Variants in COP1 observed in about 807,000 individuals in gnomAD.
COP1 encodes E3 ubiquitin-protein ligase COP1.
In COP1, 24 loss-of-function variants were observed where a neutral mutation model predicts 101.3. The ratio of observed to expected loss-of-function variants is 0.24; its 90% CI spans 0.17 to 0.33. COP1 has a LOEUF of 0.33. Among genes scored for constraint, COP1 ranks in the 10% least tolerant of loss-of-function variants. The pLI is 1.00. For synonymous variants in COP1, 347 were observed against 341.9 expected (o/e 1.01, Z -0.17); for missense variants, 663 against 906.2 (o/e 0.73, Z 3.45).
At chr1:176,145,129 C>G (rs1691370024) in intron 6 of COP1, among the ~76,000 whole-genome samples, 1 of 151,930 alleles carries the variant, frequency 6.6e-6, no homozygotes, top group Non-Finnish European at 1.5e-5. Flanking sequence ...AGATGTATAT[C>G]TAGAATATAT....
At chr1:176,145,458 A>G (rs1451814058) in intron 6 of COP1, among the ~76,000 whole-genome samples, 1 of 152,214 alleles carries the variant, frequency 6.6e-6, no homozygotes, top group Non-Finnish European at 1.5e-5. Context: ...ATTATCTATT[A>G]AATTTGAAGA....
chr1:176,137,204 C>T (rs911001469), intron 6 of COP1, among the ~76,000 whole-genome samples: 2 of 152,170 alleles, frequency 1.3e-5, no homozygotes, highest in African/African-American at 4.8e-5. Context: ...TATTAAACCA[C>T]TAATAATTTT....
intron 18 of COP1, among the ~76,000 whole-genome samples, chr1:175,976,014 T>C (rs566043637): frequency 6.6e-6 from 1 of 152,174 alleles, no homozygotes; most frequent in Non-Finnish European, 1.5e-5. Flanking sequence ...AAAGGGAAAA[T>C]CAGTTGTCAG....
intron 5 of COP1, among the ~76,000 whole-genome samples, chr1:176,157,250 T>C (rs1693614076): frequency 2.6e-5 from 4 of 152,094 alleles, no homozygotes; most frequent in Admixed American, 2.6e-4. Flanking sequence ...CATAATCATA[T>C]TTATAAAGAA....
chr1:176,199,946 C>CA (rs1700101715), intron 1 of COP1, among the ~76,000 whole-genome samples: 3 of 152,264 alleles, frequency 2.0e-5, no homozygotes, highest in East Asian at 1.9e-4. Context: ...TAATTTTAAA[C>CA]AAAATCAGCC....
intron 18 of COP1, among the ~76,000 whole-genome samples, chr1:175,980,530 GC>G (rs1655590239): frequency 6.6e-6 from 1 of 152,140 alleles, no homozygotes; most frequent in Non-Finnish European, 1.5e-5. Flanking sequence ...AGGTTCCCAA[GC>G]CAAGTTTTGC....
chr1:175,995,838 T>C (rs1252026767), intron 15 of COP1, among the ~76,000 whole-genome samples: 2 of 152,200 alleles, frequency 1.3e-5, no homozygotes, highest in East Asian at 3.8e-4. Context: ...ACTGGTATCA[T>C]TCCTTCTGAA....
chr1:176,005,796 G>T (rs895956699), intron 15 of COP1, among the ~76,000 whole-genome samples: 4 of 151,952 alleles, frequency 2.6e-5, no homozygotes, highest in African/African-American at 7.3e-5. Context: ...GAATAGGTGT[G>T]GTGTGGTGCT....
At chr1:176,183,525 C>G (rs1558277130) in intron 2 of COP1, among the ~76,000 whole-genome samples, 1 of 152,034 alleles carries the variant, frequency 6.6e-6, no homozygotes, top group Non-Finnish European at 1.5e-5. Context: ...TAGTGCAGCC[C>G]CTATAGAAAA....
chr1:176,082,892 T>C (rs1679447132), intron 10 of COP1, among the ~76,000 whole-genome samples: 1 of 152,106 alleles, frequency 6.6e-6, no homozygotes, highest in East Asian at 1.9e-4. Context: ...CCTGATATTT[T>C]ACAAATTTTA....
At position 176,114,259 on chromosome 1, in the gene COP1, A is replaced by T. The variant is rs183160346; in HGVS notation, c.1026+2365T>A. On this transcript the variant is annotated intron_variant, in intron 9 of 19. Transcript: ENST00000367669. ...AAGACTTGAATCTGGTATTTTCATG[A>T]CCGTTCAGAAACAGATACAAACCAA... Among the ~76,000 whole-genome samples, 13 of 152,194 alleles carry T rather than the reference A, an allele frequency of 8.5e-5. No individual in the cohort carries two copies. The East Asian group carries it at 2.5e-3, about 29-fold the overall frequency.
chr1:176,081,315 A>G (rs963587084), intron 10 of COP1, 28 bp from the exon 11 acceptor site: 2 of 1,548,022 alleles, frequency 1.3e-6, no homozygotes, highest in Non-Finnish European at 1.7e-6. Context: ...AAAAAAGACA[A>G]AACAGATGAA....
chr1:176,023,388 A>G (rs1321345997), intron 15 of COP1, among the ~76,000 whole-genome samples: 1 of 152,238 alleles, frequency 6.6e-6, no homozygotes, highest in East Asian at 1.9e-4. Flanking sequence ...CTTTATGCCA[A>G]TAAATTAGAA....
At chr1:176,134,770 T>C (rs1217521700) in intron 8 of COP1, among the ~76,000 whole-genome samples, 1 of 152,062 alleles carries the variant, frequency 6.6e-6, no homozygotes, top group Non-Finnish European at 1.5e-5. Flanking sequence ...AAGAAATTCA[T>C]CAAACTTTTA....
intron 18 of COP1, among the ~76,000 whole-genome samples, chr1:175,969,208 T>C (rs149392340): frequency 6.6e-6 from 1 of 152,332 alleles, no homozygotes; most frequent in East Asian, 1.9e-4. Flanking sequence ...TTTCTCCAAA[T>C]ATAAAGCAGA....
intron 18 of COP1, among the ~76,000 whole-genome samples, chr1:175,978,587 C>T (rs985818164): frequency 1.3e-5 from 2 of 152,110 alleles, no homozygotes; most frequent in African/African-American, 4.8e-5. Flanking sequence ...GAGTGAGGCA[C>T]TGAGGAGGAG....
intron 1 of COP1, among the ~76,000 whole-genome samples, chr1:176,191,123 T>C (rs886423824): frequency 8.5e-5 from 13 of 152,190 alleles, no homozygotes; most frequent in Non-Finnish European, 1.6e-4. Flanking sequence ...CATTATATAC[T>C]CTAAACCTCA....
chr1:175,983,861 G>A (rs908459315), intron 18 of COP1, among the ~76,000 whole-genome samples: 1 of 152,208 alleles, frequency 6.6e-6, no homozygotes, highest in African/African-American at 2.4e-5. Context: ...CTGCCCTAGA[G>A]ATCTGTGGAA....
At chr1:175,991,935 A>G (rs1358256858) in intron 15 of COP1, among the ~76,000 whole-genome samples, 3 of 152,204 alleles carry the variant, frequency 2.0e-5, no homozygotes, top group Non-Finnish European at 4.4e-5. Flanking sequence ...AGGCTGTTGT[A>G]TAGTAACTTA....
Sources: allele counts gnomAD v4.1 joint callset (sites outside exome capture counted in the v4.1 genomes callset), GRCh38; gene constraint gnomAD v4.1.1; transcripts MANE v1.5; gene names NCBI Gene and HGNC (gene_info 2026-07-23, HGNC 2026-07-21).